IGBP1C: variants seen among roughly 807,000 people sequenced by gnomAD.
The protein encoded by IGBP1C is IGBP1 family member C.
At chr17:58,668,971 G>A in the IGBP1C span, among the ~76,000 whole-genome samples, 2 of 152,262 alleles carry the variant, frequency 1.3e-5, no homozygotes, top group South Asian at 4.1e-4. Flanking sequence ...GAGAACCACT[G>A]TTCTAGGTAG....
chr17:58,677,620 T>C, the IGBP1C span: 1 of 152,238 alleles, frequency 6.6e-6, no homozygotes, highest in Non-Finnish European at 1.5e-5. Context: ...AATTATGCAG[T>C]TGAGTATCCC....
the IGBP1C span, among the ~76,000 whole-genome samples, chr17:58,666,169 G>A: frequency 3.3e-5 from 5 of 151,764 alleles, no homozygotes; most frequent in South Asian, 6.2e-4. Flanking sequence ...ATGGTAAGAC[G>A]CCATCTCTAC....
At chr17:58,677,450 T>C in the IGBP1C span, 5 of 152,118 alleles carry the variant, frequency 3.3e-5, no homozygotes, top group Admixed American at 6.6e-5. Context: ...ACAAACTAAA[T>C]AGTAGTACAG....
At chr17:58,682,299 C>A in the IGBP1C span, among the ~76,000 whole-genome samples, 1 of 147,978 alleles carries the variant, frequency 6.8e-6, no homozygotes, top group Non-Finnish European at 1.5e-5. Flanking sequence ...ACTCTGTCGT[C>A]CAGGCTAGAG....
At chr17:58,669,209 A>T in the IGBP1C span, among the ~76,000 whole-genome samples, 1 of 152,030 alleles carries the variant, frequency 6.6e-6, no homozygotes, top group East Asian at 1.9e-4. Flanking sequence ...AAAATTAGCC[A>T]GGTATGGTGG....
the IGBP1C span, among the ~76,000 whole-genome samples, chr17:58,669,372 A>C: frequency 1.9e-4 from 29 of 151,628 alleles, no homozygotes; most frequent in Admixed American, 4.6e-4. Context: ...AAAAAAAAAA[A>C]CAGGAGGGGG....
the IGBP1C span, chr17:58,661,428 A>G: frequency 4.9e-6 from 4 of 816,460 alleles, no homozygotes; most frequent in Non-Finnish European, 8.9e-6. Context: ...AGCTGCGATA[A>G]CATTTTGGCA....
chr17:58,661,007 TGAA>T, the IGBP1C span: 1 of 1,173,244 alleles, frequency 8.5e-7, no homozygotes, highest in Non-Finnish European at 1.3e-6. Flanking sequence ...CCTCTGAAGG[TGAA>T]GAAGATAATA....
chr17:58,669,180 C>T, the IGBP1C span, among the ~76,000 whole-genome samples: 14 of 151,918 alleles, frequency 9.2e-5, no homozygotes, highest in African/African-American at 3.4e-4. Flanking sequence ...GGTGAAACCC[C>T]ATCTCTACTA....
At chr17:58,661,768 C>G in the IGBP1C span, 8 of 542,382 alleles carry the variant, frequency 1.5e-5, no homozygotes, top group Admixed American at 2.1e-4. Context: ...TCGGTTGTGC[C>G]GGGTCTGAAT....
chr17:58,678,641 G>A, the IGBP1C span, among the ~76,000 whole-genome samples: 1 of 151,864 alleles, frequency 6.6e-6, no homozygotes, highest in African/African-American at 2.4e-5. Context: ...ACTTGAACAC[G>A]GGGTGGGGAA....
At chr17:58,677,033 C>T in the IGBP1C span, among the ~76,000 whole-genome samples, 4 of 149,636 alleles carry the variant, frequency 2.7e-5, no homozygotes, top group African/African-American at 9.9e-5. Flanking sequence ...GCAGGAGAAT[C>T]GCTTGAACTC....
At chr17:58,687,568 A>G in the IGBP1C span, among the ~76,000 whole-genome samples, 1 of 151,894 alleles carries the variant, frequency 6.6e-6, no homozygotes, top group Non-Finnish European at 1.5e-5. Flanking sequence ...ACTCATCTCA[A>G]GTGATCCACC....
At chr17:58,684,678 T>TAAAA in the IGBP1C span, among the ~76,000 whole-genome samples, 1 of 146,016 alleles carries the variant, frequency 6.8e-6, no homozygotes, top group Non-Finnish European at 1.5e-5. Context: ...AATAAATAAA[T>TAAAA]AAAAAGCTTT....
At chr17:58,669,733 CAAAAAAAA>C in the IGBP1C span, among the ~76,000 whole-genome samples, 1 of 56,300 alleles carries the variant, frequency 1.8e-5, no homozygotes, top group African/African-American at 6.3e-5. Context: ...GACTCCGTCT[CAAAAAAAA>C]AAAAAAAAAA....
chr17:58,660,610 A>T, the IGBP1C span: 1 of 792,934 alleles, frequency 1.3e-6, no homozygotes, highest in Non-Finnish European at 2.3e-6. Flanking sequence ...CGTAGCCCCT[A>T]GGGTGGGTGT....
chr17:58,664,956 G>A, the IGBP1C span, among the ~76,000 whole-genome samples: 3 of 152,106 alleles, frequency 2.0e-5, no homozygotes, highest in African/African-American at 7.2e-5. Flanking sequence ...AGTTTTCCAG[G>A]TAGATGAAGA....
At chr17:58,669,733 C>CAA in the IGBP1C span, among the ~76,000 whole-genome samples, 619 of 53,584 alleles carry the variant, frequency 0.012, 5 homozygotes, top group Middle Eastern at 0.015. Context: ...GACTCCGTCT[C>CAA]AAAAAAAAAA....
the IGBP1C span, chr17:58,660,765 G>A: frequency 5.1e-6 from 4 of 781,176 alleles, no homozygotes; most frequent in African/African-American, 6.8e-5. Context: ...AACACTCCAT[G>A]TTTCTGATGT....
Sources: gnomAD v4.1 joint callset for allele counts (sites outside exome capture counted in the v4.1 genomes callset) on GRCh38, gnomAD v4.1.1 for gene constraint, MANE v1.5 for transcripts, NCBI Gene and HGNC (gene_info 2026-07-23, HGNC 2026-07-21) for gene names.